Variants in SLC15A4 observed in about 807,000 individuals in gnomAD.
SLC15A4 encodes the protein hPHT1.
Under a neutral mutation model 46.1 loss-of-function variants are expected in SLC15A4, and 26 were observed. That is an observed-to-expected ratio of 0.56 (90% CI 0.41 to 0.78). The LOEUF (loss-of-function observed/expected upper bound fraction) is 0.78, where lower values mean the gene tolerates loss of function less well. Among genes scored for constraint, SLC15A4 ranks in the 30% least tolerant of loss-of-function variants. The pLI, the probability that SLC15A4 is intolerant of heterozygous loss-of-function variation, is 0.00. For missense variants in SLC15A4, 751 were observed against 755.7 expected (o/e 0.99, Z 0.07); for synonymous variants, 370 against 333.4 (o/e 1.11, Z -1.20).
In SLC15A4 at chr12:128,794,211, G is replaced by A. The variant is rs1349732134; in HGVS notation, c.1719C>T (p.Thr573=). Residue 573 remains threonine (T), a synonymous_variant, in exon 8 of 8, where the codon ACC becomes ACT. Transcript: ENST00000266771. ...CTCAGGAAGGTCAGGCCCTCCTGCTGGTGGGCACGCCATTGGCTCTTGATC... is the reference window on the plus strand; with the variant it reads ...CTCAGGAAGGTCAGGCCCTCCTGCTAGTGGGCACGCCATTGGCTCTTGATC... ...HQRSRANGVP[T]SRRA 5.6e-6 allele frequency: 9 copies of A among 1,612,392 alleles called. No homozygotes were observed. The highest frequency in any genetic ancestry group is 6.8e-6 in the Non-Finnish European group (8 of 1,179,006).
chr12:128,822,460 G>T (rs1044756472), intron 1 of SLC15A4, among the ~76,000 whole-genome samples: 3 of 152,242 alleles, frequency 2.0e-5, no homozygotes, highest in African/African-American at 7.2e-5. Context: ...TGTCTGGAAA[G>T]CTCCTCAAAC....
chr12:128,816,200 C>A (rs548338170), intron 1 of SLC15A4, among the ~76,000 whole-genome samples: 2 of 152,260 alleles, frequency 1.3e-5, no homozygotes, highest in African/African-American at 4.8e-5. Flanking sequence ...GGAGCCCAAG[C>A]GGTGGGAACA....
rs867669283 is a variant in SLC15A4 at position 128,794,248 on chromosome 12, C to T, written c.1682G>A (p.Arg561Gln). Residue 561 changes from arginine to glutamine, a missense_variant, in exon 8 of 8, where the codon CGA (arginine) becomes CAA (glutamine). Physicochemically the swap from Arg to Gln is conservative, Grantham distance 43. Transcript: ENST00000266771. Reference sequence around the variant, plus strand: ...ATTGGCTCTTGATCGCTGATGGTCTCGATGATGGTCATATTTCACAGAAAT... The same window carrying T: ...ATTGGCTCTTGATCGCTGATGGTCTTGATGATGGTCATATTTCACAGAAAT... ...LIISVKYDHH[R>Q]DHQRSRANGV... 5.0e-6 allele frequency: 8 copies of T among 1,613,576 alleles called. No homozygotes were observed. The highest frequency in any genetic ancestry group is 2.2e-5 in the East Asian group (1 of 44,882).
intron 5 of SLC15A4, among the ~76,000 whole-genome samples, chr12:128,807,146 C>T (rs1305644132): frequency 6.6e-6 from 1 of 152,142 alleles, no homozygotes; most frequent in Non-Finnish European, 1.5e-5. Context: ...TGTGATCCAC[C>T]TGCCTTGGCC....
At chr12:128,799,153 A>G in intron 7 of SLC15A4, 106 bp downstream of exon 7, 1 of 1,262,972 alleles carries the variant, frequency 7.9e-7, no homozygotes, top group Non-Finnish European at 1.1e-6. Flanking sequence ...GCAGCTCGGG[A>G]CAGGCCATCC....
rs878946519 is a variant in SLC15A4, at chr12:128,823,863, A to AGCCGCCGCCGCG, written c.69_80dup (p.Ala24_Ala27dup). 41 of 1,077,656 alleles carry AGCCGCCGCCGCG rather than the reference A, an allele frequency of 3.8e-5. No homozygotes were observed. The highest frequency in any genetic ancestry group is 5.1e-5 in the African/African-American group (3 of 59,160). The allele number at this position is 1,077,656 out of a possible 1,614,324, so 66.8% of individuals were successfully genotyped here. A position where few individuals can be genotyped will look rare whatever the true frequency, so the allele number is the denominator to read the frequency against. The stretch of plus-strand genomic sequence containing the variant: ...CCGCGCGCCGGCCCGCGAACGCCCC[A>AGCCGCCGCCGCG]GCCGCCGCCGCGGCCGCCGCCGCCC... On this transcript the variant is annotated inframe_insertion, in exon 1 of 8. Transcript: ENST00000266771.
chr12:128,822,336 C>T lies in SLC15A4; in HGVS notation c.546+1062G>A, dbSNP rs1400520026. On this transcript the variant is annotated intron_variant, in intron 1 of 7. Transcript: ENST00000266771. The stretch of plus-strand genomic sequence containing the variant: ...CTAGCCCGTAACTCCTTTAAAGCCA[C>T]GAAGACGCAATATGAGTGTTTTCCC... 2.0e-5 allele frequency among the ~76,000 whole-genome samples: 3 copies of T among 152,172 alleles called. No homozygotes were observed. In the East Asian group the frequency reaches 5.8e-4, roughly 29 times the overall value.
intron 7 of SLC15A4, among the ~76,000 whole-genome samples, chr12:128,795,597 G>T (rs1285720965): frequency 2.0e-5 from 3 of 152,220 alleles, no homozygotes; most frequent in Admixed American, 2.0e-4. Flanking sequence ...ACGTGCCACG[G>T]TCATGATCCC....
chr12:128,807,778 G>T (rs573645365), intron 5 of SLC15A4, among the ~76,000 whole-genome samples: 1 of 152,192 alleles, frequency 6.6e-6, no homozygotes, highest in East Asian at 1.9e-4. Flanking sequence ...ATTCAGACAC[G>T]ACCTCACTTT....
At chr12:128,797,394 G>GC (rs869093761) in intron 7 of SLC15A4, among the ~76,000 whole-genome samples, 1 of 34,290 alleles carries the variant, frequency 2.9e-5, no homozygotes, top group Non-Finnish European at 9.9e-5. Flanking sequence ...TACCTTCTGA[G>GC]GGGGGCAGTA....
In SLC15A4 at chr12:128,794,079, T is replaced by TG; in HGVS notation, c.*116dup. 3 of 1,043,876 alleles carry TG rather than the reference T, an allele frequency of 2.9e-6. No homozygotes were observed. The highest frequency in any genetic ancestry group is 4.2e-6 in the Non-Finnish European group (3 of 717,456). 64.7% of individuals were successfully genotyped at this position (1,043,876 alleles called of 1,614,324 possible). A position where few individuals can be genotyped will look rare whatever the true frequency, so the allele number is the denominator to read the frequency against. ...AAAGAAGAAATCAATCCAGGCAACATGCAAGTTTCAGTGAAGTCAGACATT... is the reference window on the plus strand; with the variant it reads ...AAAGAAGAAATCAATCCAGGCAACATGGCAAGTTTCAGTGAAGTCAGACATT... On this transcript the variant is annotated 3_prime_UTR_variant, in exon 8 of 8. Transcript: ENST00000266771.
In SLC15A4 at chr12:128,800,919, GA is replaced by G; in HGVS notation, c.1348del (p.Ser450ArgfsTer11). On this transcript the variant is annotated frameshift_variant, in exon 6 of 8. Transcript: ENST00000266771. LOFTEE classifies it high-confidence loss of function. ...GTACTGCGGCACCTGCCACCACAGC[GA>G]CAGATCGGCAGCATGGTAGACGACG... ...GNVVYHAADL[S>X]LWWQVPQYLL... 6.2e-7 allele frequency: 1 copy of G among 1,614,172 alleles called. No homozygotes were observed. The highest frequency in any genetic ancestry group is 8.5e-7 in the Non-Finnish European group (1 of 1,180,026).
At chr12:128,800,554 G>A (rs930277262) in intron 6 of SLC15A4, among the ~76,000 whole-genome samples, 8 of 152,250 alleles carry the variant, frequency 5.3e-5, no homozygotes, top group South Asian at 4.1e-4. Flanking sequence ...CAGCATGGCC[G>A]AGGGCTCCGC....
chr12:128,809,440 A>G lies in SLC15A4; in HGVS notation c.1045T>C (p.Leu349=), dbSNP rs1157027192. Residue 349 remains leucine (L), a synonymous_variant, in exon 4 of 8, where the codon TTG becomes CTG. Transcript: ENST00000266771. ...ATATTTGAAATTTCTGGAATCCTCA[A>G]ATGAAGACTCTGTAAAACATATGTT... The part of the protein sequence containing the change: ...QTTYVLQSLH[L]RIPEISNITT... 3 of 1,609,768 alleles carry G rather than the reference A, an allele frequency of 1.9e-6. No individual in the cohort carries two copies. Among genetic ancestry groups the G allele is most frequent in the Non-Finnish European group, 2.5e-6 (3 of 1,177,872 alleles).
intron 5 of SLC15A4, 142 bp downstream of exon 5, chr12:128,808,646 T>C (rs1955616488): frequency 5.4e-6 from 4 of 740,888 alleles, no homozygotes; most frequent in Non-Finnish European, 8.8e-6. Context: ...GGATTAGTGC[T>C]GTAAAATAAC....
Position 128,808,816 on chromosome 12 carries a change from G to A in SLC15A4, c.1230C>T (p.Phe410=), listed in dbSNP as rs1955618524. The A allele has an allele frequency of 1.2e-6, 2 of 1,614,094 alleles. No homozygotes were observed. Among genetic ancestry groups the A allele is most frequent in the African/African-American group, 1.3e-5 (1 of 74,928 alleles). The stretch of plus-strand genomic sequence containing the variant: ...CAGCAAAGGCCGAGCACATGACAAA[G>A]AACATGCCCACGGCGATCCTCTTCA... ...SSLKRIAVGM[F]FVMCSAFAAG... Residue 410 remains phenylalanine, a synonymous_variant, in exon 5 of 8, where the codon TTC becomes TTT. Coordinates refer to ENST00000266771, the MANE Select transcript of SLC15A4 (RefSeq NM_145648.4).
intron 6 of SLC15A4, among the ~76,000 whole-genome samples, chr12:128,799,814 T>C (rs1250467930): frequency 1.3e-5 from 2 of 152,172 alleles, no homozygotes; most frequent in Admixed American, 1.3e-4. Flanking sequence ...GAAATCTACA[T>C]AAGGATTCTA....
In SLC15A4 at chr12:128,805,167, A is replaced by G. The variant is rs928652240; in HGVS notation, c.1258+3621T>C. On this transcript the variant is annotated intron_variant, in intron 5 of 7. Transcript: ENST00000266771. ...TGGATACCCCCCCCAAAAAAATCCA[A>G]CATTCATGCTGGCTAGATGTTTAAT... Among the ~76,000 whole-genome samples the G allele has an allele frequency of 5.9e-5, 9 of 152,318 alleles. 1 individual carries two copies. In the South Asian group the frequency reaches 1.4e-3, roughly 25 times the overall value.
At position 128,811,546 on chromosome 12, in the gene SLC15A4, G is replaced by C. The variant is rs545631568; in HGVS notation, c.843-1435C>G. Among the ~76,000 whole-genome samples the C allele has an allele frequency of 9.1e-4, 139 of 152,334 alleles. 1 individual carries two copies. The highest frequency in any genetic ancestry group is 3.4e-3 in the Middle Eastern group (1 of 294). ...CTCCTGTCCTTACGGACTTAGTCTAGTGGGGGAAAATAATCAAAAACAAAA... is the reference window on the plus strand; with the variant it reads ...CTCCTGTCCTTACGGACTTAGTCTACTGGGGGAAAATAATCAAAAACAAAA... On this transcript the variant is annotated intron_variant, in intron 2 of 7. Coordinates refer to ENST00000266771, the MANE Select transcript of SLC15A4 (RefSeq NM_145648.4).
Sources: allele counts gnomAD v4.1 joint callset (sites outside exome capture counted in the v4.1 genomes callset), GRCh38; gene constraint gnomAD v4.1.1; transcripts MANE v1.5; gene names NCBI Gene and HGNC (gene_info 2026-07-23, HGNC 2026-07-21).